The following ASB18 variants were observed in gnomAD, a reference collection of about 807,000 sequenced individuals.
ASB18 encodes the protein ankyrin repeat and SOCS box containing 18, also known as ankyrin repeat and SOCS box protein 18.
In ASB18, 33 loss-of-function variants were observed where a neutral mutation model predicts 33.4. That is an observed-to-expected ratio of 0.99 (90% CI 0.75 to 1.32). The LOEUF (loss-of-function observed/expected upper bound fraction) is 1.32, where lower values mean the gene tolerates loss of function less well. Among genes scored for constraint, ASB18 ranks in the 40% most tolerant of loss-of-function variants. The pLI is 0.00. For missense variants in ASB18, 694 were observed against 655.5 expected (o/e 1.06, Z -0.64); for synonymous variants, 295 against 307.6 (o/e 0.96, Z 0.43).
chr2:236,213,320 C>T lies in ASB18; in HGVS notation c.1101+1042G>A, dbSNP rs1216488722. Among the ~76,000 whole-genome samples, 1 of 151,998 alleles carries T rather than the reference C, an allele frequency of 6.6e-6. No individual in the cohort carries two copies. The highest frequency in any genetic ancestry group is 1.5e-5 in the Non-Finnish European group (1 of 68,006). ...GAGGCACAGTCTACTCTGAACGCATCTATAATGGAAAGTTAGCATTTGAGA... is the reference window on the plus strand; with the variant it reads ...GAGGCACAGTCTACTCTGAACGCATTTATAATGGAAAGTTAGCATTTGAGA... On this transcript the variant is annotated intron_variant, in intron 4 of 5. Coordinates refer to ENST00000409749, the MANE Select transcript of ASB18 (RefSeq NM_212556.4). This position sits in a 1 kb window ranked among gnomAD's most constrained non-coding sequence, Gnocchi z 4.8.
chr2:236,244,557 C>G lies in ASB18; in HGVS notation c.206-3155G>C, dbSNP rs945692993. ...GAGCTTCCTAAGCCTCCTTTTATGC[C>G]AGTTTCTTCTCTCTCAGTCTTCTCT... On this transcript the variant is annotated intron_variant, in intron 1 of 5. Transcript: ENST00000409749. The surrounding 1 kb of genome is among the most constrained non-coding windows in gnomAD (Gnocchi z 6.1). 1.3e-5 allele frequency among the ~76,000 whole-genome samples: 2 copies of G among 152,136 alleles called. No individual in the cohort carries two copies. The highest frequency in any genetic ancestry group is 2.9e-5 in the Non-Finnish European group (2 of 68,026).
intron 4 of ASB18, among the ~76,000 whole-genome samples, chr2:236,201,235 T>C (rs1447618747): frequency 4.6e-5 from 7 of 152,128 alleles, no homozygotes; most frequent in Admixed American, 4.6e-4. Flanking sequence ...CACTACAGCC[T>C]TGACCTCCTG....
rs1466370664 is a variant in ASB18, at chr2:236,193,866, C to T, written c.*1006G>A. On this transcript the variant is annotated 3_prime_UTR_variant, in exon 6 of 6. Transcript: ENST00000409749. This position sits in a 1 kb window ranked among gnomAD's most constrained non-coding sequence, Gnocchi z 5.0. ...TTCTCTGGGTGCTCCAGTTCCCACC[C>T]ACATCCCAAAGCTGAGCAAGTGAGG... 6.6e-6 allele frequency among the ~76,000 whole-genome samples: 1 copy of T among 152,040 alleles called. No homozygotes were observed. Among genetic ancestry groups the T allele is most frequent in the Non-Finnish European group, 1.5e-5 (1 of 68,004 alleles).
intron 4 of ASB18, among the ~76,000 whole-genome samples, chr2:236,212,783 C>G (rs1009709086): frequency 6.6e-6 from 1 of 152,106 alleles, no homozygotes; most frequent in African/African-American, 2.4e-5. Context: ...TGCCACCAGG[C>G]CCTGCTAATT....
rs1350197805 is a variant in ASB18, at chr2:236,253,945, A to G, written c.205+10196T>C. 1 of 152,196 alleles carries G rather than the reference A, an allele frequency of 6.6e-6. No individual in the cohort carries two copies. Among genetic ancestry groups the G allele is most frequent in the African/African-American group, 2.4e-5 (1 of 41,440 alleles). 9.4% of individuals were successfully genotyped at this position (152,196 alleles called of 1,614,324 possible). A position where few individuals can be genotyped will look rare whatever the true frequency, so the allele number is the denominator to read the frequency against. ...GCCGGGAGAGAATGGCAGGGATGCC[A>G]GAGTTAGCTCAGGGTACATCTTTAG... On this transcript the variant is annotated intron_variant, in intron 1 of 5. Transcript: ENST00000409749. This position sits in a 1 kb window ranked among gnomAD's most constrained non-coding sequence, Gnocchi z 5.4.
Position 236,223,593 on chromosome 2 carries a change from A to C in ASB18, c.597-8727T>G, listed in dbSNP as rs543802996. On this transcript the variant is annotated intron_variant, in intron 3 of 5. Transcript: ENST00000409749. This position sits in a 1 kb window ranked among gnomAD's most constrained non-coding sequence, Gnocchi z 4.6. ...AGAAATGCACAGGTCTTAAGAGCACAATTGAATGAATTTCAACAAAGGAAT... is the reference window on the plus strand; with the variant it reads ...AGAAATGCACAGGTCTTAAGAGCACCATTGAATGAATTTCAACAAAGGAAT... Among the ~76,000 whole-genome samples the C allele has an allele frequency of 1.8e-4, 27 of 152,218 alleles. No individual in the cohort carries two copies. Among genetic ancestry groups the C allele is most frequent in the Non-Finnish European group, 2.6e-4 (18 of 68,036 alleles).
intron 3 of ASB18, among the ~76,000 whole-genome samples, chr2:236,233,773 G>A (rs940410832): frequency 2.0e-5 from 3 of 152,120 alleles, no homozygotes; most frequent in African/African-American, 7.2e-5. Context: ...TAAATAAATG[G>A]AGGAGTATAT....
rs1459421690 is a variant in ASB18, at chr2:236,239,914, G to T, written c.328+1366C>A. On this transcript the variant is annotated intron_variant, in intron 2 of 5. Coordinates refer to ENST00000409749, the MANE Select transcript of ASB18 (RefSeq NM_212556.4). This position sits in a 1 kb window ranked among gnomAD's most constrained non-coding sequence, Gnocchi z 5.6. ...CTGAGCTTGCCTCCCTCTCTTCCCAGCCTGTGTGGAGGCCTTGGGCCACTA... is the reference window on the plus strand; with the variant it reads ...CTGAGCTTGCCTCCCTCTCTTCCCATCCTGTGTGGAGGCCTTGGGCCACTA... Among the ~76,000 whole-genome samples the T allele has an allele frequency of 6.6e-6, 1 of 152,208 alleles. No homozygotes were observed. Among genetic ancestry groups the T allele is most frequent in the Non-Finnish European group, 1.5e-5 (1 of 68,030 alleles).
Position 236,195,265 on chromosome 2 carries a change from T to A in ASB18, c.1216-208A>T, listed in dbSNP as rs143235238. 5.9e-5 allele frequency among the ~76,000 whole-genome samples: 9 copies of A among 152,152 alleles called. No individual in the cohort carries two copies. Among genetic ancestry groups the A allele is most frequent in the African/African-American group, 2.2e-4 (9 of 41,502 alleles). The stretch of plus-strand genomic sequence containing the variant: ...CTCCCAAAGCACAGTTCCTGCCGAG[T>A]GAGAGGGGATTCTGACTGGGGTGAC... On this transcript the variant is annotated intron_variant, in intron 5 of 5. Transcript: ENST00000409749. This position sits in a 1 kb window ranked among gnomAD's most constrained non-coding sequence, Gnocchi z 5.5.
rs1463952478 is a variant in ASB18 at position 236,234,512 on chromosome 2, CTT to C, written c.596+3175_596+3176del. Among the ~76,000 whole-genome samples, 1 of 152,202 alleles carries C rather than the reference CTT, an allele frequency of 6.6e-6. No homozygotes were observed. Among genetic ancestry groups the C allele is most frequent in the African/African-American group, 2.4e-5 (1 of 41,440 alleles). On this transcript the variant is annotated intron_variant, in intron 3 of 5. Coordinates refer to ENST00000409749, the MANE Select transcript of ASB18 (RefSeq NM_212556.4). This position sits in a 1 kb window ranked among gnomAD's most constrained non-coding sequence, Gnocchi z 4.1. The stretch of plus-strand genomic sequence containing the variant: ...ACCACTGGCTACTCTTCCTTTCACT[CTT>C]TATATAATAGAGTGGCTCCTCACGT...
At position 236,219,032 on chromosome 2, in the gene ASB18, G is replaced by A. The variant is rs2060500079; in HGVS notation, c.597-4166C>T. ...CTATAGCCGAGTGCCCCCATGCTTG[G>A]CTAATTTTTTTTTGTTTTATTTTTG... On this transcript the variant is annotated intron_variant, in intron 3 of 5. Transcript: ENST00000409749. This position sits in a 1 kb window ranked among gnomAD's most constrained non-coding sequence, Gnocchi z 6.4. Among the ~76,000 whole-genome samples, 1 of 151,526 alleles carries A rather than the reference G, an allele frequency of 6.6e-6. No individual in the cohort carries two copies. The highest frequency in any genetic ancestry group is 6.6e-5 in the Admixed American group (1 of 15,202).
chr2:236,210,534 CT>C (rs1258612379), intron 4 of ASB18: 4 of 152,240 alleles, frequency 2.6e-5, no homozygotes, highest in Admixed American at 1.3e-4. Context: ...GGCATCTCCT[CT>C]GCCAGGTGAG....
chr2:236,226,504 A>T lies in ASB18; in HGVS notation c.596+11185T>A, dbSNP rs905015212. Reference sequence around the variant, plus strand: ...TAAATCCCCACTTTAATAAAAAGACATTTAAAAAGTCCTTATTAAACAATG... The same window carrying T: ...TAAATCCCCACTTTAATAAAAAGACTTTTAAAAAGTCCTTATTAAACAATG... On this transcript the variant is annotated intron_variant, in intron 3 of 5. Transcript: ENST00000409749. This position sits in a 1 kb window ranked among gnomAD's most constrained non-coding sequence, Gnocchi z 4.8. Among the ~76,000 whole-genome samples the T allele has an allele frequency of 7.9e-5, 12 of 152,250 alleles. No individual in the cohort carries two copies. Among genetic ancestry groups the T allele is most frequent in the Admixed American group, 6.5e-5 (1 of 15,286 alleles).
At position 236,214,707 on chromosome 2, in the gene ASB18, T is replaced by C. The variant is rs2060477695; in HGVS notation, c.756A>G (p.Gly252=). 1.7e-6 allele frequency: 2 copies of C among 1,151,700 alleles called. No individual in the cohort carries two copies. The highest frequency in any genetic ancestry group is 3.3e-5 in the African/African-American group (2 of 60,756). The allele number at this position is 1,151,700 out of a possible 1,614,324, so 71.3% of individuals were successfully genotyped here. Residue 252 remains glycine (G), a synonymous_variant, in exon 4 of 6, where the codon GGA becomes GGG. Transcript: ENST00000409749. This position sits in a 1 kb window ranked among gnomAD's most constrained non-coding sequence, Gnocchi z 6.5. ...GAHVDARNGR[G]ETALSAACGA... ...CGCAGGCCGCGCTCAGAGCCGTCTC[T>C]CCGCGGCCGTTCCTCGCGTCCACGT...
In ASB18 at chr2:236,259,998, A is replaced by G. The variant is rs2060710696; in HGVS notation, c.205+4143T>C. On this transcript the variant is annotated intron_variant, in intron 1 of 5. Coordinates refer to ENST00000409749, the MANE Select transcript of ASB18 (RefSeq NM_212556.4). This position sits in a 1 kb window ranked among gnomAD's most constrained non-coding sequence, Gnocchi z 4.4. ...CTTTTTTTTGGTGATGTTGACATGG[A>G]TGCATCAAAATAAATTCTGTTTCTT... Among the ~76,000 whole-genome samples the G allele has an allele frequency of 6.6e-6, 1 of 152,146 alleles. No homozygotes were observed. Among genetic ancestry groups the G allele is most frequent in the Admixed American group, 6.5e-5 (1 of 15,278 alleles).
chr2:236,199,814 T>TAAC (rs1349622694), intron 4 of ASB18, among the ~76,000 whole-genome samples: 1 of 152,126 alleles, frequency 6.6e-6, no homozygotes, highest in Non-Finnish European at 1.5e-5. Context: ...GGGAATATTT[T>TAAC]AACAAGTAGA....
intron 1 of ASB18, among the ~76,000 whole-genome samples, chr2:236,242,941 A>G (rs1201448212): frequency 6.9e-6 from 1 of 144,816 alleles, no homozygotes; most frequent in South Asian, 2.3e-4. Context: ...GGATCACTAG[A>G]GCTTGGGAGG....
chr2:236,212,146 C>A (rs977468415), intron 4 of ASB18, among the ~76,000 whole-genome samples: 3 of 152,216 alleles, frequency 2.0e-5, no homozygotes, highest in Non-Finnish European at 4.4e-5. Context: ...CAAGCACTTC[C>A]CATGGCTTTT....
In ASB18 at chr2:236,214,734, C is replaced by T. The variant is rs2060477839; in HGVS notation, c.729G>A (p.Ala243=). Residue 243 remains alanine (A), a synonymous_variant, in exon 4 of 6, where the codon GCG becomes GCA. Coordinates refer to ENST00000409749, the MANE Select transcript of ASB18 (RefSeq NM_212556.4). This position sits in a 1 kb window ranked among gnomAD's most constrained non-coding sequence, Gnocchi z 6.5. ...EHARLYLGRG[A]HVDARNGRGE... ...CGCGGCCGTTCCTCGCGTCCACGTG[C>T]GCCCCGCGGCCCAGGTACAGGCGCG... The T allele has an allele frequency of 1.7e-6, 2 of 1,164,070 alleles. No individual in the cohort carries two copies. The highest frequency in any genetic ancestry group is 1.6e-5 in the African/African-American group (1 of 61,304). The allele number at this position is 1,164,070 out of a possible 1,614,324, so 72.1% of individuals were successfully genotyped here.
Sources: allele counts gnomAD v4.1 joint callset (sites outside exome capture counted in the v4.1 genomes callset), GRCh38; gene constraint gnomAD v4.1.1; non-coding constraint Gnocchi (gnomAD v3.1); transcripts MANE v1.5; gene names NCBI Gene and HGNC (gene_info 2026-07-23, HGNC 2026-07-21).